The following CTIF variants were observed in gnomAD, a reference collection of about 807,000 sequenced individuals.
CTIF encodes the protein CBP80/20-dependent translation initiation factor.
CTIF carries 21 observed loss-of-function variants against 66.0 expected under a neutral mutation model. The ratio of observed to expected loss-of-function variants is 0.32; its 90% CI spans 0.23 to 0.46. CTIF has a LOEUF of 0.46. CTIF is among the 20% of genes least tolerant of loss of function. CTIF has a pLI of 1.00. For missense variants in CTIF, 739 were observed against 812.7 expected (o/e 0.91, Z 1.10); for synonymous variants, 345 against 326.4 (o/e 1.06, Z -0.62).
At chr18:48,603,168 G>GGATA (rs2090129994) in intron 1 of CTIF, among the ~76,000 whole-genome samples, 1 of 149,818 alleles carries the variant, frequency 6.7e-6, no homozygotes, top group African/African-American at 2.5e-5. Context: ...ATGGATGGTT[G>GGATA]GATGGATAGA....
At chr18:48,815,919 C>G (rs1316631848) in intron 9 of CTIF, among the ~76,000 whole-genome samples, 1 of 152,178 alleles carries the variant, frequency 6.6e-6, no homozygotes, top group African/African-American at 2.4e-5. Flanking sequence ...TGGAGTCTCC[C>G]CTTTCCATCA....
intron 6 of CTIF, among the ~76,000 whole-genome samples, chr18:48,703,444 A>G (rs898988170): frequency 6.6e-6 from 1 of 152,190 alleles, no homozygotes; most frequent in Admixed American, 6.5e-5. Flanking sequence ...TTGCAAAGAC[A>G]AGCATTTAGT....
chr18:48,823,691 T>C lies in CTIF; in HGVS notation c.1527+6315T>C, dbSNP rs7236760. ...TGAATCTTAGAATTGTTTTCTATAC[T>C]TCTGTTTTTAAAATGCCCCTGGGAT... On this transcript the variant is annotated intron_variant, in intron 10 of 11. Transcript: ENST00000256413. Among the ~76,000 whole-genome samples the C allele has an allele frequency of 4.2e-3, 634 of 152,316 alleles. 5 individuals are homozygous for C. Among genetic ancestry groups the C allele is most frequent in the African/African-American group, 0.015 (604 of 41,556 alleles).
At position 48,823,168 on chromosome 18, in the gene CTIF, G is replaced by A. The variant is rs189183350; in HGVS notation, c.1527+5792G>A. ...CTGTGCAGAAGCATTTTAGTTTGAT[G>A]CAATCCTACTTGTCTATTTTTGCTT... On this transcript the variant is annotated intron_variant, in intron 10 of 11. Coordinates refer to ENST00000256413, the MANE Select transcript of CTIF (RefSeq NM_014772.3). 1.4e-4 allele frequency among the ~76,000 whole-genome samples: 21 copies of A among 151,856 alleles called. 1 individual carries two copies. The East Asian group carries it at 3.9e-3, about 28-fold the overall frequency.
chr18:48,718,684 G>A lies in CTIF; in HGVS notation c.584+6989G>A, dbSNP rs1253731833. On this transcript the variant is annotated intron_variant, in intron 7 of 11. Coordinates refer to ENST00000256413, the MANE Select transcript of CTIF (RefSeq NM_014772.3). ...GAGATCTTTACTCAGTCTACTGACT[G>A]AAAATGTCCTCATAGACACACCTAG... is the stretch of plus-strand genomic sequence containing the variant. 3.3e-5 allele frequency among the ~76,000 whole-genome samples: 5 copies of A among 152,236 alleles called. No individual in the cohort carries two copies. In the East Asian group the frequency reaches 9.6e-4, roughly 29 times the overall value.
intron 9 of CTIF, among the ~76,000 whole-genome samples, chr18:48,764,641 G>A (rs553962936): frequency 8.5e-4 from 130 of 152,292 alleles, no homozygotes; most frequent in African/African-American, 3.0e-3. Context: ...CACATTCTGA[G>A]GTTTCAGAGC....
intron 1 of CTIF, among the ~76,000 whole-genome samples, chr18:48,570,597 C>G (rs2089394393): frequency 6.6e-6 from 1 of 152,084 alleles, no homozygotes; most frequent in African/African-American, 2.4e-5. Flanking sequence ...GTGGGGGGAG[C>G]AGTGGTGCCT....
chr18:48,822,411 C>A (rs1462209582), intron 10 of CTIF, among the ~76,000 whole-genome samples: 1 of 151,982 alleles, frequency 6.6e-6, no homozygotes, highest in Non-Finnish European at 1.5e-5. Context: ...ACCATAGTCA[C>A]CCTACTGTGC....
At chr18:48,553,522 A>G (rs1305887983) in intron 1 of CTIF, among the ~76,000 whole-genome samples, 1 of 152,242 alleles carries the variant, frequency 6.6e-6, no homozygotes, top group African/African-American at 2.4e-5. Context: ...GTTAACCTGC[A>G]GCCGCCCAGC....
chr18:48,723,586 C>A (rs1271924608), intron 7 of CTIF, among the ~76,000 whole-genome samples: 3 of 152,200 alleles, frequency 2.0e-5, no homozygotes, highest in Non-Finnish European at 2.9e-5. Flanking sequence ...GAGTGGTGGG[C>A]AGCTCAGGGG....
At chr18:48,725,294 C>T (rs1284885093) in intron 7 of CTIF, among the ~76,000 whole-genome samples, 1 of 152,142 alleles carries the variant, frequency 6.6e-6, no homozygotes, top group Non-Finnish European at 1.5e-5. Flanking sequence ...TTCAGGAGGG[C>T]TGGCGGTGCT....
intron 9 of CTIF, among the ~76,000 whole-genome samples, chr18:48,788,380 C>T (rs967030562): frequency 6.6e-6 from 1 of 152,106 alleles, no homozygotes; most frequent in African/African-American, 2.4e-5. Context: ...CACTTGACTC[C>T]TAGGAGAGCT....
At position 48,694,719 on chromosome 18, in the gene CTIF, A is replaced by G. The variant is rs544447854; in HGVS notation, c.508-16900A>G. 2.0e-3 allele frequency among the ~76,000 whole-genome samples: 310 copies of G among 152,380 alleles called. 1 individual carries two copies. The highest frequency in any genetic ancestry group is 6.8e-3 in the African/African-American group (281 of 41,594). On this transcript the variant is annotated intron_variant, in intron 6 of 11. Coordinates refer to ENST00000256413, the MANE Select transcript of CTIF (RefSeq NM_014772.3). ...TTTCTGGGAATGGAACAAGTAATTG[A>G]ATTTCTGAAATGATAAATTTCACTA...
chr18:48,859,954 A>G lies in CTIF; in HGVS notation c.*395A>G, dbSNP rs1232464441. The G allele has an allele frequency of 8.5e-6, 4 of 472,742 alleles. No homozygotes were observed. Among genetic ancestry groups the G allele is most frequent in the South Asian group, 6.2e-5 (4 of 64,750 alleles). The allele number at this position is 472,742 out of a possible 1,614,324, so 29.3% of individuals were successfully genotyped here. On this transcript the variant is annotated 3_prime_UTR_variant, in exon 12 of 12. Coordinates refer to ENST00000256413, the MANE Select transcript of CTIF (RefSeq NM_014772.3). ...CACGCCGGGGCACCGCTTGGGTCAG[A>G]AAGGACCTCGGAAGGCTGAAAAAGT...
At position 48,703,736 on chromosome 18, in the gene CTIF, C is replaced by G. The variant is rs139092552; in HGVS notation, c.508-7883C>G. Among the ~76,000 whole-genome samples the G allele has an allele frequency of 2.7e-3, 409 of 152,280 alleles. 5 individuals are homozygous for G. The highest frequency in any genetic ancestry group is 9.6e-3 in the African/African-American group (397 of 41,554). ...GGGGCACTTCAAAACCTCATTGGGG[C>G]AGGGGCAGCAGCCCGGGGACTCCCC... On this transcript the variant is annotated intron_variant, in intron 6 of 11. Coordinates refer to ENST00000256413, the MANE Select transcript of CTIF (RefSeq NM_014772.3).
intron 9 of CTIF, among the ~76,000 whole-genome samples, chr18:48,766,590 G>A (rs1253729985): frequency 6.6e-6 from 1 of 152,232 alleles, no homozygotes; most frequent in African/African-American, 2.4e-5. Flanking sequence ...GTTAGCCAGG[G>A]TGGAACACCA....
intron 7 of CTIF, among the ~76,000 whole-genome samples, chr18:48,714,582 T>G (rs1436156038): frequency 6.6e-6 from 1 of 152,250 alleles, no homozygotes; most frequent in Non-Finnish European, 1.5e-5. Context: ...GCAGGGATTT[T>G]CAGACTGGGA....
At chr18:48,649,640 A>C (rs1489510349) in intron 3 of CTIF, among the ~76,000 whole-genome samples, 1 of 152,224 alleles carries the variant, frequency 6.6e-6, no homozygotes, top group African/African-American at 2.4e-5. Context: ...GAATGGACAG[A>C]CTGCCTCCTC....
intron 3 of CTIF, among the ~76,000 whole-genome samples, chr18:48,656,512 T>G (rs1163618675): frequency 6.6e-6 from 1 of 152,112 alleles, no homozygotes; most frequent in East Asian, 1.9e-4. Flanking sequence ...CTTTTAGGAG[T>G]CTGACCTCCC....
Sources: gnomAD v4.1 joint callset for allele counts (sites outside exome capture counted in the v4.1 genomes callset) on GRCh38, gnomAD v4.1.1 for gene constraint, MANE v1.5 for transcripts, NCBI Gene and HGNC (gene_info 2026-07-23, HGNC 2026-07-21) for gene names.